CWH43: variants seen among roughly 807,000 people sequenced by gnomAD.
The protein encoded by CWH43 is cell wall biogenesis 43 C-terminal homolog, also known as PGAP2-interacting protein.
In CWH43, 91 loss-of-function variants were observed where a neutral mutation model predicts 85.7. The observed-to-expected ratio is 1.06, with a 90% CI of 0.90 to 1.26. The LOEUF (loss-of-function observed/expected upper bound fraction) is 1.26. CWH43 is among the 50% of genes most tolerant of loss of function. The probability of loss-of-function intolerance (pLI) is 0.00; values close to 1 mark genes in which losing one functional copy is unlikely to be tolerated. For missense variants in CWH43, 869 were observed against 839.2 expected, an observed-to-expected ratio of 1.04 and a Z score of -0.44; for synonymous variants, 323 against 293.6, an observed-to-expected ratio of 1.10 and a Z score of -1.02.
chr4:49,003,510 G>A, intron 6 of CWH43: 1 of 492,922 alleles, frequency 2.0e-6, no homozygotes, highest in Non-Finnish European at 3.6e-6. Context: ...GGAAATAGCA[G>A]TGAACTGAGA....
chr4:48,992,055 T>C lies in CWH43; in HGVS notation c.476T>C (p.Leu159Ser). 1 of 1,614,072 alleles carries C rather than the reference T, an allele frequency of 6.2e-7. No homozygotes were observed. Among genetic ancestry groups the C allele is most frequent in the East Asian group, 2.2e-5 (1 of 44,866 alleles). ...YQMSNKVILT[L>S]SAIATLDRIG... ...ATGTCCAACAAAGTGATACTGACAT[T>C]AAGTGCCATAGCCACACTTGATCGT... Residue 159 changes from leucine to serine, a missense_variant, in exon 4 of 16, where the codon TTA becomes TCA. By Grantham distance (145) the Leu-to-Ser change is moderately radical (BLOSUM62 -2). Around this residue, in one of 3 missense-constraint regions of CWH43, gnomAD observed 152 missense variants for 203.6 expected, o/e 0.75. Coordinates refer to ENST00000226432, the MANE Select transcript of CWH43 (RefSeq NM_025087.3). The surrounding 1 kb of genome is among the most constrained non-coding windows in gnomAD (Gnocchi z 4.3).
intron 9 of CWH43, among the ~76,000 whole-genome samples, chr4:49,025,043 T>C (rs1026495862): frequency 5.3e-5 from 8 of 152,024 alleles, no homozygotes; most frequent in African/African-American, 1.9e-4. Context: ...GCTTTGTTTA[T>C]CTTTTAAATT....
chr4:48,989,513 C>T (rs1782591990), intron 2 of CWH43, among the ~76,000 whole-genome samples: 2 of 152,224 alleles, frequency 1.3e-5, no homozygotes, highest in African/African-American at 2.4e-5. Flanking sequence ...TGCTTAGTGA[C>T]ATTTCACTAG....
chr4:48,988,017 T>G (rs1197842875), intron 1 of CWH43, among the ~76,000 whole-genome samples: 1 of 152,108 alleles, frequency 6.6e-6, no homozygotes, highest in Non-Finnish European at 1.5e-5. Flanking sequence ...TGAATAGGAC[T>G]TAATAAAGAG....
At chr4:48,989,405 A>T (rs1441321377) in intron 2 of CWH43, among the ~76,000 whole-genome samples, 2 of 152,192 alleles carry the variant, frequency 1.3e-5, no homozygotes. Context: ...CTCTATGAAG[A>T]ACAATTTAGC....
At chr4:49,029,743 G>A (rs1008361817) in intron 10 of CWH43, among the ~76,000 whole-genome samples, 4 of 152,258 alleles carry the variant, frequency 2.6e-5, no homozygotes, top group African/African-American at 7.2e-5. Context: ...ACACTGAGAT[G>A]TTTGGGTGGA....
At position 49,050,772 on chromosome 4, in the gene CWH43, C is replaced by A. The variant is rs1784767952; in HGVS notation, c.1944C>A (p.Asp648Glu). Reference sequence around the variant, plus strand: ...TGGCAAAATTTAGGATCCCTGATGACCCCACTAATTATAGAGACAACCAGA... The same window carrying A: ...TGGCAAAATTTAGGATCCCTGATGAACCCACTAATTATAGAGACAACCAGA... ...IQMAKFRIPD[D>E]PTNYRDNQKV... is the part of the protein sequence containing the mutation. Residue 648 changes from aspartate (D) to glutamate (E), a missense_variant, in exon 15 of 16, where the codon GAC (aspartate) becomes GAA (glutamate). This residue lies in a region of CWH43 where 577 missense variants were observed against 513.1 expected (regional missense o/e 1.12). Transcript: ENST00000226432. 3.1e-6 allele frequency: 5 copies of A among 1,610,260 alleles called. 1 individual carries two copies. The South Asian group carries it at 3.3e-5, about 11-fold the overall frequency.
At chr4:49,007,853 T>C (rs1783213878) in intron 8 of CWH43, among the ~76,000 whole-genome samples, 1 of 152,238 alleles carries the variant, frequency 6.6e-6, no homozygotes. Flanking sequence ...TGCCACATTT[T>C]CTTAATCCAG....
At chr4:49,059,609 C>T (rs1004581674) in intron 15 of CWH43, among the ~76,000 whole-genome samples, 13 of 152,170 alleles carry the variant, frequency 8.5e-5, no homozygotes, top group African/African-American at 3.1e-4. Context: ...ATGCCTTTAC[C>T]AGTTGGCTGG....
intron 2 of CWH43, 68 bp downstream of exon 2, chr4:48,988,736 T>C: frequency 1.0e-6 from 1 of 957,710 alleles, no homozygotes; most frequent in Non-Finnish European, 1.5e-6. Flanking sequence ...TTATGTAGAC[T>C]GTTCTTTGAA....
chr4:48,989,705 T>C (rs1782598106), intron 2 of CWH43, among the ~76,000 whole-genome samples: 1 of 152,186 alleles, frequency 6.6e-6, no homozygotes, highest in South Asian at 2.1e-4. Flanking sequence ...ATTATAGGTG[T>C]GAGCCACTGC....
intron 15 of CWH43, among the ~76,000 whole-genome samples, chr4:49,052,457 G>T (rs956028585): frequency 6.6e-6 from 1 of 152,196 alleles, no homozygotes; most frequent in African/African-American, 2.4e-5. Flanking sequence ...TTTAACAGTA[G>T]CTGCAATAGC....
In CWH43 at chr4:49,025,936, G is replaced by T. The variant is rs578215966; in HGVS notation, c.1267-2693G>T. On this transcript the variant is annotated intron_variant, in intron 9 of 15. Transcript: ENST00000226432. ...CCCAAAATTATGTCCTTTTTCTTCAGCTACCAGGGCCAGTAGAGAAAGACC... is the reference window on the plus strand; with the variant it reads ...CCCAAAATTATGTCCTTTTTCTTCATCTACCAGGGCCAGTAGAGAAAGACC... Among the ~76,000 whole-genome samples, 26 of 152,156 alleles carry T rather than the reference G, an allele frequency of 1.7e-4. 1 individual carries two copies. In the Middle Eastern group the frequency reaches 0.014, roughly 80 times the overall value.
chr4:49,043,888 A>G lies in CWH43; in HGVS notation c.1804-898A>G, dbSNP rs1013194270. On this transcript the variant is annotated intron_variant, in intron 13 of 15. Coordinates refer to ENST00000226432, the MANE Select transcript of CWH43 (RefSeq NM_025087.3). ...TTTTATGTATACAAAAGGTATATGT[A>G]TGTGTGTATTATAAACAACAATAAA... Among the ~76,000 whole-genome samples, 13 of 152,008 alleles carry G rather than the reference A, an allele frequency of 8.6e-5. 1 individual carries two copies. The highest frequency in any genetic ancestry group is 8.5e-4 in the Admixed American group (13 of 15,256).
intron 9 of CWH43, among the ~76,000 whole-genome samples, chr4:49,027,447 T>A (rs548118713): frequency 2.0e-4 from 30 of 152,352 alleles, no homozygotes; most frequent in South Asian, 4.1e-4. Flanking sequence ...AAGGATAGCA[T>A]GATAAATATA....
intron 8 of CWH43, among the ~76,000 whole-genome samples, chr4:49,012,910 T>A (rs1268325261): frequency 6.6e-6 from 1 of 152,228 alleles, no homozygotes; most frequent in Non-Finnish European, 1.5e-5. Flanking sequence ...TGTTAGCCCC[T>A]ACTGGGAGGT....
chr4:49,025,627 G>T (rs1003084021), intron 9 of CWH43, among the ~76,000 whole-genome samples: 2 of 152,094 alleles, frequency 1.3e-5, no homozygotes, highest in Admixed American at 6.6e-5. Context: ...TTCTTTTCTG[G>T]ATCTAGCTAC....
chr4:49,032,145 T>C (rs919646254), intron 11 of CWH43, among the ~76,000 whole-genome samples: 1 of 152,268 alleles, frequency 6.6e-6, no homozygotes, highest in Non-Finnish European at 1.5e-5. Flanking sequence ...TGCCTTTTCA[T>C]ATGCCTATAG....
At chr4:49,036,820 T>A (rs542096446) in intron 12 of CWH43, among the ~76,000 whole-genome samples, 1 of 152,272 alleles carries the variant, frequency 6.6e-6, no homozygotes, top group South Asian at 2.1e-4. Flanking sequence ...CTTCCTCTGG[T>A]GTCTCTGGGA....
Sources: gnomAD v4.1 joint callset for allele counts (sites outside exome capture counted in the v4.1 genomes callset) on GRCh38, gnomAD v4.1.1 for gene constraint, gnomAD v4.1.1 regional missense constraint, Gnocchi (gnomAD v3.1) non-coding constraint, MANE v1.5 for transcripts, NCBI Gene and HGNC (gene_info 2026-07-23, HGNC 2026-07-21) for gene names.